Variants in CSNK1G1 observed in about 807,000 individuals in gnomAD.
CSNK1G1 encodes casein kinase I isoform gamma-1.
CSNK1G1 carries 22 observed loss-of-function variants against 59.6 expected under a neutral mutation model. That is an observed-to-expected ratio of 0.37 (90% confidence interval 0.26 to 0.53). The LOEUF is 0.53. Ranked by LOEUF, CSNK1G1 falls within the 20% of genes least tolerant of loss-of-function variation. The pLI, the probability that CSNK1G1 is intolerant of heterozygous loss-of-function variation, is 0.89. For missense variants in CSNK1G1, 384 were observed against 519.5 expected (o/e 0.74, Z 2.54); for synonymous variants, 179 against 177.1 (o/e 1.01, Z -0.08).
chr15:64,273,620 G>A (rs1206558584), intron 2 of CSNK1G1, among the ~76,000 whole-genome samples: 1 of 151,910 alleles, frequency 6.6e-6, no homozygotes, highest in African/African-American at 2.4e-5. Flanking sequence ...TAAGGAAAAC[G>A]GAAGGGTCTA....
At chr15:64,295,757 T>G (rs2140393948) in intron 2 of CSNK1G1, among the ~76,000 whole-genome samples, 1 of 152,328 alleles carries the variant, frequency 6.6e-6, no homozygotes, top group East Asian at 1.9e-4. Flanking sequence ...ACAACCCGAA[T>G]TCTCTTTCTG....
intron 2 of CSNK1G1, among the ~76,000 whole-genome samples, chr15:64,261,320 G>C (rs368304507): frequency 1.3e-5 from 2 of 152,162 alleles, no homozygotes; most frequent in African/African-American, 4.8e-5. Context: ...TAGTTTTAGG[G>C]CCAGGTGCAG....
chr15:64,318,315 T>A (rs1163527365), intron 1 of CSNK1G1, among the ~76,000 whole-genome samples: 1 of 152,022 alleles, frequency 6.6e-6, no homozygotes, highest in Admixed American at 6.6e-5. Flanking sequence ...TCAAAAAAAA[T>A]AGCTGCAAAT....
intron 2 of CSNK1G1, among the ~76,000 whole-genome samples, chr15:64,291,694 T>C (rs924435029): frequency 6.6e-6 from 1 of 152,234 alleles, no homozygotes; most frequent in African/African-American, 2.4e-5. Flanking sequence ...AACAAAATCT[T>C]ATTGAAAACT....
intron 1 of CSNK1G1, among the ~76,000 whole-genome samples, chr15:64,354,308 C>A (rs1898509883): frequency 6.6e-6 from 1 of 151,986 alleles, no homozygotes; most frequent in East Asian, 1.9e-4. Context: ...CTGTCTCAAA[C>A]AAACAAACAA....
rs184706732 is a variant in CSNK1G1, at chr15:64,193,234, G to A, written c.1107+9848C>T. Among the ~76,000 whole-genome samples, 114 of 152,096 alleles carry A rather than the reference G, an allele frequency of 7.5e-4. No homozygotes were observed. In the East Asian group the frequency reaches 0.021, roughly 28 times the overall value. On this transcript the variant is annotated intron_variant, in intron 10 of 11. Transcript: ENST00000303052. ...GAGCCAGCTGTGGTGGCTCACGCCT[G>A]TAATCCCAGCACTTTAGGAGGCCGA...
chr15:64,273,927 T>C (rs992812286), intron 2 of CSNK1G1, among the ~76,000 whole-genome samples: 5 of 152,216 alleles, frequency 3.3e-5, no homozygotes, highest in African/African-American at 1.2e-4. Flanking sequence ...GCTACTATGA[T>C]GCATTCCTGC....
At chr15:64,185,796 C>T (rs1318270107) in intron 10 of CSNK1G1, among the ~76,000 whole-genome samples, 1 of 146,258 alleles carries the variant, frequency 6.8e-6, no homozygotes, top group African/African-American at 2.6e-5. Flanking sequence ...CGGGAAACAG[C>T]AGTTGCAGTA....
At chr15:64,217,839 G>T (rs2140270766) in intron 4 of CSNK1G1, among the ~76,000 whole-genome samples, 1 of 150,766 alleles carries the variant, frequency 6.6e-6, no homozygotes, top group South Asian at 2.1e-4. Context: ...AAAGATTATA[G>T]AACACTTAAA....
intron 2 of CSNK1G1, among the ~76,000 whole-genome samples, chr15:64,294,601 C>G (rs1470295198): frequency 1.3e-5 from 2 of 152,044 alleles, no homozygotes; most frequent in Non-Finnish European, 2.9e-5. Flanking sequence ...ACAAAATACA[C>G]ATGGCTCATT....
At chr15:64,290,977 G>A (rs1363804872) in intron 2 of CSNK1G1, among the ~76,000 whole-genome samples, 1 of 152,164 alleles carries the variant, frequency 6.6e-6, no homozygotes, top group Admixed American at 6.5e-5. Context: ...GCCTCCCAAA[G>A]TGCTGAGATT....
intron 10 of CSNK1G1, among the ~76,000 whole-genome samples, chr15:64,196,327 TATAG>T (rs1358685086): frequency 1.3e-5 from 2 of 152,160 alleles, no homozygotes; most frequent in Non-Finnish European, 2.9e-5. Flanking sequence ...TATTATTGTA[TATAG>T]ATAAACCAAA....
chr15:64,347,143 C>T (rs553566086), intron 1 of CSNK1G1, among the ~76,000 whole-genome samples: 3 of 152,136 alleles, frequency 2.0e-5, no homozygotes, highest in African/African-American at 7.2e-5. Context: ...AGAGACAATA[C>T]GAAATGCTAG....
intron 3 of CSNK1G1, among the ~76,000 whole-genome samples, chr15:64,255,073 T>C (rs1251317919): frequency 6.6e-6 from 1 of 152,108 alleles, no homozygotes; most frequent in Non-Finnish European, 1.5e-5. Flanking sequence ...TAGTTATTTG[T>C]CCTTTTTTTC....
intron 2 of CSNK1G1, among the ~76,000 whole-genome samples, chr15:64,294,727 A>G (rs1894921385): frequency 6.6e-6 from 1 of 151,230 alleles, no homozygotes; most frequent in Admixed American, 6.6e-5. Context: ...CCTGGCCAAC[A>G]TGGTGAAACC....
intron 1 of CSNK1G1, among the ~76,000 whole-genome samples, chr15:64,310,421 A>G (rs1466889645): frequency 6.6e-6 from 1 of 152,038 alleles, no homozygotes; most frequent in African/African-American, 2.4e-5. Context: ...CTGTTTAAAA[A>G]AAAAAAAGTT....
chr15:64,245,831 T>C (rs965948183), intron 4 of CSNK1G1, among the ~76,000 whole-genome samples: 4 of 151,650 alleles, frequency 2.6e-5, no homozygotes, highest in Admixed American at 6.6e-5. Flanking sequence ...GAGGCCTTTA[T>C]AATAACTGAA....
At chr15:64,246,837 C>T (rs145247599) in intron 4 of CSNK1G1, among the ~76,000 whole-genome samples, 2 of 152,158 alleles carry the variant, frequency 1.3e-5, no homozygotes, top group Admixed American at 1.3e-4. Context: ...ATTATCCTGC[C>T]GTTTACCTAC....
chr15:64,263,405 G>A (rs925903947), intron 2 of CSNK1G1, among the ~76,000 whole-genome samples: 1 of 151,836 alleles, frequency 6.6e-6, no homozygotes, highest in East Asian at 1.9e-4. Context: ...GCCAGGATGG[G>A]CTCGATCTCT....
Sources: gnomAD v4.1 joint callset for allele counts (sites outside exome capture counted in the v4.1 genomes callset) on GRCh38, gnomAD v4.1.1 for gene constraint, MANE v1.5 for transcripts, NCBI Gene and HGNC (gene_info 2026-07-23, HGNC 2026-07-21) for gene names.